CD47: variants seen among roughly 807,000 people sequenced by gnomAD.
CD47 encodes the protein leukocyte surface antigen CD47.
In CD47, 11 loss-of-function variants were observed where a neutral mutation model predicts 44.6. The observed-to-expected ratio is 0.25, with a 90% CI of 0.16 to 0.41. The LOEUF (loss-of-function observed/expected upper bound fraction) is 0.41. Among genes scored for constraint, CD47 ranks in the 10% least tolerant of loss-of-function variants. CD47 has a pLI of 1.00. For synonymous variants in CD47, 140 were observed against 136.3 expected, an observed-to-expected ratio of 1.03 and a Z score of -0.19; for missense variants, 306 against 386.7, an observed-to-expected ratio of 0.79 and a Z score of 1.75.
intron 3 of CD47, among the ~76,000 whole-genome samples, chr3:108,064,591 C>T (rs1249197102): frequency 6.6e-6 from 1 of 152,096 alleles, no homozygotes; most frequent in Non-Finnish European, 1.5e-5. Context: ...TTCCATGACA[C>T]CCCAAAGACT....
intron 4 of CD47, among the ~76,000 whole-genome samples, chr3:108,060,223 T>G (rs963841175): frequency 6.6e-6 from 1 of 152,154 alleles, no homozygotes. Context: ...CCCTAAAACC[T>G]GTGAATATTA....
Position 108,044,448 on chromosome 3 carries a change from CAAAAAA to C in CD47, c.*2834_*2839del, listed in dbSNP as rs869104856. ...AAAAAAAAAAAAAAAAAAAAAAAAA[CAAAAAA>C]AAAAAACAGAAAGAAAGAAAACTCT... On this transcript the variant is annotated 3_prime_UTR_variant, in exon 11 of 11. Transcript: ENST00000361309. 1 of 60,206 alleles carries C rather than the reference CAAAAAA, an allele frequency of 1.7e-5. No individual in the cohort carries two copies. The highest frequency in any genetic ancestry group is 5.4e-5 in the African/African-American group (1 of 18,546). The allele number at this position is 60,206 out of a possible 1,614,324, so 3.7% of individuals were successfully genotyped here.
intron 2 of CD47, among the ~76,000 whole-genome samples, chr3:108,073,153 C>G (rs2108256411): frequency 6.6e-6 from 1 of 152,064 alleles, no homozygotes; most frequent in East Asian, 1.9e-4. Flanking sequence ...CTGACTCTAC[C>G]TTCAAAATAT....
intron 3 of CD47, among the ~76,000 whole-genome samples, chr3:108,062,535 T>TA (rs2079032141): frequency 6.6e-6 from 1 of 152,058 alleles, no homozygotes; most frequent in Non-Finnish European, 1.5e-5. Context: ...AGTCAATGCA[T>TA]AAAAAAGCTA....
Position 108,058,379 on chromosome 3 carries a change from C to A in CD47, c.742G>T (p.Ala248Ser). The A allele has an allele frequency of 1.3e-6, 2 of 1,567,702 alleles. No individual in the cohort carries two copies. Among genetic ancestry groups the A allele is most frequent in the Non-Finnish European group, 8.7e-7 (1 of 1,154,364 alleles). Reference sequence around the variant, plus strand: ...AGTCCAACCACAGCGAGGATATAGGCTATCACCTGAATAACCAATATGGCA... The same window carrying A: ...AGTCCAACCACAGCGAGGATATAGGATATCACCTGAATAACCAATATGGCA... ...VIAILVIQVI[A>S]YILAVVGLSL... The change falls in exon 6 of 11, where the codon GCC becomes TCC. Residue 248 changes from alanine to serine, a missense_variant. By Grantham distance (99) the Ala-to-Ser change is moderately conservative. This residue lies in a region of CD47 where 131 missense variants were observed against 135.3 expected (regional missense o/e 0.97). Coordinates refer to ENST00000361309, the MANE Select transcript of CD47 (RefSeq NM_001777.4).
In CD47 at chr3:108,044,203, CTT is replaced by C. The variant is rs1175440762; in HGVS notation, c.*3083_*3084del. 1 of 152,462 alleles carries C rather than the reference CTT, an allele frequency of 6.6e-6. No homozygotes were observed. Among genetic ancestry groups the C allele is most frequent in the Non-Finnish European group, 1.5e-5 (1 of 67,992 alleles). The allele number at this position is 152,462 out of a possible 1,614,324, so 9.4% of individuals were successfully genotyped here. ...TTTATTACTGAGATGGAGGAGTAAACTTATCGTGTTTTGAGCTTTGTTAGTGC... is the reference window on the plus strand; with the variant it reads ...TTTATTACTGAGATGGAGGAGTAAACATCGTGTTTTGAGCTTTGTTAGTGC... On this transcript the variant is annotated 3_prime_UTR_variant, in exon 11 of 11. Coordinates refer to ENST00000361309, the MANE Select transcript of CD47 (RefSeq NM_001777.4).
Position 108,080,083 on chromosome 3 carries a change from C to G in CD47, c.308G>C (p.Ser103Thr). 1 of 1,613,176 alleles carries G rather than the reference C, an allele frequency of 6.2e-7. No homozygotes were observed. ...GTTTCCTGTGTGTGAGACAGCATCA[C>G]TCTTATCCATCTTCAAAGAGGCATC... is the stretch of plus-strand genomic sequence containing the variant. ...KGDASLKMDKSDAVSHTGNYT... is the reference protein window; with the variant it reads ...KGDASLKMDKTDAVSHTGNYT... Residue 103 changes from serine (S) to threonine (T), a missense_variant, in exon 2 of 11, where the codon AGT (serine) becomes ACT (threonine). By Grantham distance (58) the Ser-to-Thr change is moderately conservative. Coordinates refer to ENST00000361309, the MANE Select transcript of CD47 (RefSeq NM_001777.4).
chr3:108,062,171 C>T (rs942023941), intron 3 of CD47, among the ~76,000 whole-genome samples: 1 of 152,110 alleles, frequency 6.6e-6, no homozygotes, highest in East Asian at 1.9e-4. Context: ...CAGAAAACAT[C>T]CTATGGCAAG....
chr3:108,090,929 C>G lies in CD47; in HGVS notation c.-21G>C, dbSNP rs777682804. 1 of 1,423,672 alleles carries G rather than the reference C, an allele frequency of 7.0e-7. No individual in the cohort carries two copies. Among genetic ancestry groups the G allele is most frequent in the Admixed American group, 2.4e-5 (1 of 42,526 alleles). The allele number at this position is 1,423,672 out of a possible 1,614,324, so 88.2% of individuals were successfully genotyped here. On this transcript the variant is annotated 5_prime_UTR_variant, in exon 1 of 11. Coordinates refer to ENST00000361309, the MANE Select transcript of CD47 (RefSeq NM_001777.4). ...CACATCTCCGCGCCCGCCGCGGGGT[C>G]GCCGCCGCCGCCGCAGGTGTCCGGA...
At chr3:108,075,809 C>G (rs966834697) in intron 2 of CD47, among the ~76,000 whole-genome samples, 1 of 152,144 alleles carries the variant, frequency 6.6e-6, no homozygotes, top group Non-Finnish European at 1.5e-5. Flanking sequence ...CTGACCTAAC[C>G]AAGTGGTCTC....
chr3:108,055,570 G>GC, intron 7 of CD47: 1 of 1,301,690 alleles, frequency 7.7e-7, no homozygotes, highest in Non-Finnish European at 1.0e-6. Context: ...CTGAACCCTG[G>GC]CATCAGACAA....
At chr3:108,079,531 G>A (rs548967484) in intron 2 of CD47, among the ~76,000 whole-genome samples, 1 of 144,156 alleles carries the variant, frequency 6.9e-6, no homozygotes, top group African/African-American at 2.6e-5. Context: ...AGGGAGCATG[G>A]CTGGGACTTG....
At position 108,045,495 on chromosome 3, in the gene CD47, A is replaced by G. The variant is rs778488199; in HGVS notation, c.*1793T>C. On this transcript the variant is annotated 3_prime_UTR_variant, in exon 11 of 11. Transcript: ENST00000361309. ...ATTTTGGACAGCTACACAATCAAGG[A>G]AGAATATACATGTGTGTATATACAT... The G allele has an allele frequency of 2.6e-5, 4 of 152,612 alleles. No homozygotes were observed. The highest frequency in any genetic ancestry group is 5.9e-5 in the Non-Finnish European group (4 of 68,046). 9.5% of individuals were successfully genotyped at this position (152,612 alleles called of 1,614,324 possible).
intron 1 of CD47, among the ~76,000 whole-genome samples, chr3:108,089,630 C>A (rs537888333): frequency 1.1e-4 from 16 of 152,224 alleles, no homozygotes; most frequent in African/African-American, 3.4e-4. Context: ...ACACTAACAT[C>A]AACCATTTAG....
At chr3:108,082,420 T>G (rs2079436920) in intron 1 of CD47, among the ~76,000 whole-genome samples, 1 of 152,020 alleles carries the variant, frequency 6.6e-6, no homozygotes, top group Non-Finnish European at 1.5e-5. Context: ...ATTGACCAAT[T>G]TTGCATTTAT....
At chr3:108,058,717 C>T (rs2078960557) in intron 5 of CD47, among the ~76,000 whole-genome samples, 1 of 152,200 alleles carries the variant, frequency 6.6e-6, no homozygotes. Flanking sequence ...GTGCATTTTA[C>T]AATATGAATG....
At chr3:108,089,962 C>G (rs1173462242) in intron 1 of CD47, among the ~76,000 whole-genome samples, 31 of 130,146 alleles carry the variant, frequency 2.4e-4, no homozygotes, top group Non-Finnish European at 3.1e-5. Flanking sequence ...AGACGAAGCA[C>G]ACGTTTTACA....
In CD47 at chr3:108,046,424, G is replaced by T. The variant is rs570481741; in HGVS notation, c.*864C>A. The T allele has an allele frequency of 3.2e-4, 49 of 152,712 alleles. No homozygotes were observed. Among genetic ancestry groups the T allele is most frequent in the African/African-American group, 1.1e-3 (47 of 41,550 alleles). 9.5% of individuals were successfully genotyped at this position (152,712 alleles called of 1,614,324 possible). A position where few individuals can be genotyped will look rare whatever the true frequency, so the allele number is the denominator to read the frequency against. ...TGTTACAACCATAGCTATTTTTGCT[G>T]AAAAGTGTGAACACAGTGCTCTGAG... is the stretch of plus-strand genomic sequence containing the variant. On this transcript the variant is annotated 3_prime_UTR_variant, in exon 11 of 11. Transcript: ENST00000361309.
rs906828744 is a variant in CD47, at chr3:108,043,357, TG to T, written c.*3930del. ...TTACAGGGTAATATTTACAAAGTTATGTTTTTTTTTAAATAAAAAAGTACCT... is the reference window on the plus strand; with the variant it reads ...TTACAGGGTAATATTTACAAAGTTATTTTTTTTTTAAATAAAAAAGTACCT... On this transcript the variant is annotated 3_prime_UTR_variant, in exon 11 of 11. Transcript: ENST00000361309. 20 of 152,238 alleles carry T rather than the reference TG, an allele frequency of 1.3e-4. No individual in the cohort carries two copies. Among genetic ancestry groups the T allele is most frequent in the African/African-American group, 4.6e-4 (19 of 41,254 alleles). The allele number at this position is 152,238 out of a possible 1,614,324, so 9.4% of individuals were successfully genotyped here.
Sources: gnomAD v4.1 joint callset for allele counts (sites outside exome capture counted in the v4.1 genomes callset) on GRCh38, gnomAD v4.1.1 for gene constraint, gnomAD v4.1.1 regional missense constraint, MANE v1.5 for transcripts, NCBI Gene and HGNC (gene_info 2026-07-23, HGNC 2026-07-21) for gene names.